Variants in ZNF500 observed in about 807,000 individuals in gnomAD.
ZNF500 encodes zinc finger protein with KRAB and SCAN domains 18.
In ZNF500, 31 loss-of-function variants were observed where a neutral mutation model predicts 30.1. The observed-to-expected ratio is 1.03, with a 90% CI of 0.77 to 1.39. The LOEUF (loss-of-function observed/expected upper bound fraction) is 1.39, where lower values mean the gene tolerates loss of function less well. Ranked by LOEUF, ZNF500 falls within the 40% of genes most tolerant of loss-of-function variation. The pLI, the probability that ZNF500 is intolerant of heterozygous loss-of-function variation, is 0.00. For synonymous variants in ZNF500, 392 were observed against 282.0 expected, an observed-to-expected ratio of 1.39 and a Z score of -3.91; for missense variants, 817 against 657.8, an observed-to-expected ratio of 1.24 and a Z score of -2.65.
rs765568823 is a variant in ZNF500, at chr16:4,765,793, A to C, written c.186T>G (p.Ala62=). The part of the protein sequence containing the change: ...LFRLFCYQEV[A]GPREALSRLW... ...GGCGGCTCAGGGCCTCCCGGGGCCCAGCCACCTCCTGGTAGCAGAAGAGCC... is the reference window on the plus strand; with the variant it reads ...GGCGGCTCAGGGCCTCCCGGGGCCCCGCCACCTCCTGGTAGCAGAAGAGCC... Residue 62 remains alanine, a synonymous_variant, in exon 2 of 6, where the codon GCT becomes GCG. Coordinates refer to ENST00000219478, the MANE Select transcript of ZNF500 (RefSeq NM_021646.4). The C allele has an allele frequency of 6.2e-7, 1 of 1,613,120 alleles. No homozygotes were observed. The highest frequency in any genetic ancestry group is 1.1e-5 in the South Asian group (1 of 91,058).
In ZNF500 at chr16:4,751,528, C is replaced by G; in HGVS notation, c.*848G>C. 4 of 1,518,362 alleles carry G rather than the reference C, an allele frequency of 2.6e-6. No homozygotes were observed. The highest frequency in any genetic ancestry group is 3.5e-6 in the Non-Finnish European group (4 of 1,137,428). The allele number at this position is 1,518,362 out of a possible 1,614,324, so 94.1% of individuals were successfully genotyped here. ...GACTGGAATGCTGCAGAGCCCCGGG[C>G]TCCATTTGGAAACTCTGGCAGGATG... On this transcript the variant is annotated 3_prime_UTR_variant, in exon 6 of 6. Coordinates refer to ENST00000219478, the MANE Select transcript of ZNF500 (RefSeq NM_021646.4).
At chr16:4,755,198 T>C (rs569014673) in intron 5 of ZNF500, among the ~76,000 whole-genome samples, 2 of 152,344 alleles carry the variant, frequency 1.3e-5, no homozygotes, top group East Asian at 3.9e-4. Flanking sequence ...CCTCACTATA[T>C]TGCCCAGGCT....
intron 5 of ZNF500, chr16:4,756,574 T>C (rs2082137259): frequency 6.6e-6 from 1 of 151,438 alleles, no homozygotes; most frequent in Non-Finnish European, 1.5e-5. Flanking sequence ...TGGTGTGTAA[T>C]GGCGCGATCT....
At chr16:4,746,651 T>C (rs531562241), downstream of ZNF500, 739 of 1,199,282 alleles carry the variant, frequency 6.2e-4, 10 homozygotes, top group South Asian at 0.011. Context: ...TGAAAAGTGC[T>C]GGCCTACAGT....
rs892248741 is a variant in ZNF500 at position 4,753,437 on chromosome 16, G to A, written c.761-379C>T. Among the ~76,000 whole-genome samples the A allele has an allele frequency of 2.6e-5, 4 of 152,232 alleles. No individual in the cohort carries two copies. The South Asian group carries it at 6.2e-4, about 24-fold the overall frequency. ...TGATCGCGCCACTACATTCCAGCCCGGGTGACGGCATGAGACCCTGTTTCA... is the reference window on the plus strand; with the variant it reads ...TGATCGCGCCACTACATTCCAGCCCAGGTGACGGCATGAGACCCTGTTTCA... On this transcript the variant is annotated intron_variant, in intron 5 of 5. Coordinates refer to ENST00000219478, the MANE Select transcript of ZNF500 (RefSeq NM_021646.4).
In ZNF500 at chr16:4,752,757, C is replaced by T; in HGVS notation, c.1062G>A (p.Lys354=). 1 of 1,614,240 alleles carries T rather than the reference C, an allele frequency of 6.2e-7. No homozygotes were observed. Among genetic ancestry groups the T allele is most frequent in the Non-Finnish European group, 8.5e-7 (1 of 1,180,036 alleles). Residue 354 remains lysine, a synonymous_variant, in exon 6 of 6, where the codon AAG becomes AAA. Coordinates refer to ENST00000219478, the MANE Select transcript of ZNF500 (RefSeq NM_021646.4). ...TAAAGCCCTTCCCACAGACTAGGCA[C>T]TTGTAAGGCCGCTCGCCCGTGTGTG... The part of the protein sequence containing the change: ...QRTHTGERPY[K]CLVCGKGFSD...
At chr16:4,744,973 C>G, downstream of ZNF500, 1 of 1,614,046 alleles carries the variant, frequency 6.2e-7, no homozygotes, top group Non-Finnish European at 8.5e-7. Flanking sequence ...TGCCTGCCGA[C>G]ACTCCCCAGG....
chr16:4,751,775 G>A lies in ZNF500; in HGVS notation c.*601C>T, dbSNP rs889449483. 2.1e-5 allele frequency: 17 copies of A among 810,762 alleles called. No homozygotes were observed. The highest frequency in any genetic ancestry group is 1.5e-4 in the African/African-American group (9 of 58,732). 50.2% of individuals were successfully genotyped at this position (810,762 alleles called of 1,614,324 possible). A position where few individuals can be genotyped will look rare whatever the true frequency, so the allele number is the denominator to read the frequency against. ...ACCAAAAAAGAGACTGGGCATGGCG[G>A]CACACACCTGTAACCCCAGCTACTC... is the stretch of plus-strand genomic sequence containing the variant. On this transcript the variant is annotated 3_prime_UTR_variant, in exon 6 of 6. Coordinates refer to ENST00000219478, the MANE Select transcript of ZNF500 (RefSeq NM_021646.4).
At chr16:4,766,663 G>A (rs950817307) in intron 1 of ZNF500, among the ~76,000 whole-genome samples, 2 of 152,146 alleles carry the variant, frequency 1.3e-5, no homozygotes, top group Admixed American at 6.6e-5. Flanking sequence ...CTCGAGAATC[G>A]TTATTTTCCA....
chr16:4,761,702 A>C (rs1232707574), intron 4 of ZNF500, among the ~76,000 whole-genome samples: 6 of 151,404 alleles, frequency 4.0e-5, no homozygotes, highest in East Asian at 1.9e-4. Context: ...ACAAAAAAAA[A>C]ACAACTAGCC....
At chr16:4,760,759 G>A (rs1567532654) in intron 4 of ZNF500, among the ~76,000 whole-genome samples, 171 bp from the exon 5 acceptor site, 1 of 152,124 alleles carries the variant, frequency 6.6e-6, no homozygotes, top group Non-Finnish European at 1.5e-5. Flanking sequence ...TGGTGTCTCC[G>A]CCCACTGCTC....
chr16:4,751,218 T>A lies in ZNF500; in HGVS notation c.*1158A>T, dbSNP rs149427198. 43 of 189,572 alleles carry A rather than the reference T, an allele frequency of 2.3e-4. No homozygotes were observed. The East Asian group carries it at 6.2e-3, about 27-fold the overall frequency. The allele number at this position is 189,572 out of a possible 1,614,324, so 11.7% of individuals were successfully genotyped here. On this transcript the variant is annotated 3_prime_UTR_variant, in exon 6 of 6. Coordinates refer to ENST00000219478, the MANE Select transcript of ZNF500 (RefSeq NM_021646.4). ...CTATCACACTGCTTGTCTTGGCCAC[T>A]CACCCACCGTGGATGTGCACAGACC...
In ZNF500 at chr16:4,751,313, G is replaced by A; in HGVS notation, c.*1063C>T. 1 of 451,602 alleles carries A rather than the reference G, an allele frequency of 2.2e-6. No homozygotes were observed. The allele number at this position is 451,602 out of a possible 1,614,324, so 28.0% of individuals were successfully genotyped here. A position where few individuals can be genotyped will look rare whatever the true frequency, so the allele number is the denominator to read the frequency against. On this transcript the variant is annotated 3_prime_UTR_variant, in exon 6 of 6. Transcript: ENST00000219478. ...AGGCTTCTTACCTTAGAAAGACAAAGTGGGGCAACCGTGGAAGGCCACATT... is the reference window on the plus strand; with the variant it reads ...AGGCTTCTTACCTTAGAAAGACAAAATGGGGCAACCGTGGAAGGCCACATT...
chr16:4,766,348 G>C (rs2082265383), intron 1 of ZNF500, among the ~76,000 whole-genome samples: 1 of 152,232 alleles, frequency 6.6e-6, no homozygotes, highest in Non-Finnish European at 1.5e-5. Context: ...GGATGGCTGG[G>C]GGCAGTAGCT....
chr16:4,753,668 G>A (rs1477000842), intron 5 of ZNF500, among the ~76,000 whole-genome samples: 1 of 152,246 alleles, frequency 6.6e-6, no homozygotes, highest in African/African-American at 2.4e-5. Flanking sequence ...CTCTAAGCCA[G>A]GGGTTCCCAC....
At chr16:4,746,542 G>A (rs749047341), downstream of ZNF500, 5 of 1,601,452 alleles carry the variant, frequency 3.1e-6, no homozygotes, top group Admixed American at 3.5e-5. Flanking sequence ...CCCCATACCA[G>A]CCTCTACTTT....
chr16:4,758,908 G>A (rs948008545), intron 5 of ZNF500, among the ~76,000 whole-genome samples: 1 of 113,444 alleles, frequency 8.8e-6, no homozygotes, highest in East Asian at 3.4e-4. Context: ...CACAAAATAG[G>A]AGAAAATATT....
intron 5 of ZNF500, among the ~76,000 whole-genome samples, chr16:4,757,391 C>T (rs1352040001): frequency 6.6e-6 from 1 of 152,050 alleles, no homozygotes; most frequent in Non-Finnish European, 1.5e-5. Context: ...CAGCTTACTG[C>T]AGCCTTGACC....
At chr16:4,747,270 C>A (rs2082029556), downstream of ZNF500, 1 of 1,482,512 alleles carries the variant, frequency 6.7e-7, no homozygotes, top group Non-Finnish European at 9.1e-7. Context: ...CTGCTTTTCT[C>A]CTGTTTCAGT....
Sources: gnomAD v4.1 joint callset for allele counts (sites outside exome capture counted in the v4.1 genomes callset) on GRCh38, gnomAD v4.1.1 for gene constraint, MANE v1.5 for transcripts, NCBI Gene and HGNC (gene_info 2026-07-23, HGNC 2026-07-21) for gene names.